FBXL20: variants seen among roughly 807,000 people sequenced by gnomAD.
FBXL20 encodes F-box/LRR-repeat protein 20.
Under a neutral mutation model 64.0 loss-of-function variants are expected in FBXL20, and 11 were observed. That is an observed-to-expected ratio of 0.17 (90% confidence interval 0.11 to 0.28). FBXL20 has a LOEUF of 0.28. Among genes scored for constraint, FBXL20 ranks in the 10% least tolerant of loss-of-function variants. The pLI, the probability that FBXL20 is intolerant of heterozygous loss-of-function variation, is 1.00. For missense variants in FBXL20, 303 were observed against 526.2 expected (o/e 0.58, Z 4.15); for synonymous variants, 184 against 189.0 (o/e 0.97, Z 0.22).
Position 39,261,153 on chromosome 17 carries a change from T to C in FBXL20, c.*307A>G, listed in dbSNP as rs2144329791. On this transcript the variant is annotated 3_prime_UTR_variant, in exon 15 of 15. Coordinates refer to ENST00000264658, the MANE Select transcript of FBXL20 (RefSeq NM_032875.3). ...ACAGTAGCATTAACACGGGGTTTGC[T>C]GGAATGCCCCTCCCTATCTTGGCCT... The C allele has an allele frequency of 3.4e-6, 1 of 293,330 alleles. No homozygotes were observed. 18.2% of individuals were successfully genotyped at this position (293,330 alleles called of 1,614,324 possible).
rs188906510 is a variant in FBXL20, at chr17:39,300,896, T to C, written c.234+105A>G. On this transcript the variant is annotated intron_variant, in intron 4 of 14. Transcript: ENST00000264658. ...TAAAGTTCAGATGCACTGAAAATAA[T>C]AGTTCCTCTCTTTAACGAAAATGAG... 2.1e-4 allele frequency: 220 copies of C among 1,063,946 alleles called. 1 individual carries two copies. Among genetic ancestry groups the C allele is most frequent in the South Asian group, 6.1e-4 (39 of 63,656 alleles). 65.9% of individuals were successfully genotyped at this position (1,063,946 alleles called of 1,614,324 possible).
At chr17:39,368,919 T>C (rs1354248872) in intron 1 of FBXL20, among the ~76,000 whole-genome samples, 1 of 152,122 alleles carries the variant, frequency 6.6e-6, no homozygotes, top group Non-Finnish European at 1.5e-5. Flanking sequence ...CCTCCCAAAG[T>C]GCTCGGATTA....
intron 1 of FBXL20, among the ~76,000 whole-genome samples, chr17:39,347,052 GGTGT>G: frequency 6.6e-6 from 1 of 152,146 alleles, no homozygotes; most frequent in Non-Finnish European, 1.5e-5. Context: ...AGTATTCCAT[GGTGT>G]GTATGTGCCA....
chr17:39,355,718 G>A (rs773784865), intron 1 of FBXL20, among the ~76,000 whole-genome samples: 2 of 151,908 alleles, frequency 1.3e-5, no homozygotes, highest in Admixed American at 6.6e-5. Flanking sequence ...AGCTGCGCGT[G>A]GTGGCAGGTG....
At chr17:39,309,629 C>G (rs886095618) in intron 2 of FBXL20, among the ~76,000 whole-genome samples, 2 of 151,416 alleles carry the variant, frequency 1.3e-5, no homozygotes, top group African/African-American at 4.8e-5. Context: ...ATGGCGAAAC[C>G]CCGTCTCTAC....
At position 39,256,231 on chromosome 17, in the gene FBXL20, G is replaced by A. The variant is rs1219340629; in HGVS notation, c.*5229C>T. On this transcript the variant is annotated 3_prime_UTR_variant, in exon 15 of 15. Transcript: ENST00000264658. Reference sequence around the variant, plus strand: ...GGCCTCTTGGGAGGCTGAAACAGAAGAATCACTTGAACCCAGGAGGCAGAG... The same window carrying A: ...GGCCTCTTGGGAGGCTGAAACAGAAAAATCACTTGAACCCAGGAGGCAGAG... 6 of 146,234 alleles carry A rather than the reference G, an allele frequency of 4.1e-5. No homozygotes were observed. The East Asian group carries it at 1.2e-3, about 30-fold the overall frequency. The allele number at this position is 146,234 out of a possible 1,614,324, so 9.1% of individuals were successfully genotyped here.
At position 39,285,609 on chromosome 17, in the gene FBXL20, C is replaced by T. The variant is rs1475272991; in HGVS notation, c.399-36G>A. On this transcript the variant is annotated intron_variant, in intron 6 of 14. Coordinates refer to ENST00000264658, the MANE Select transcript of FBXL20 (RefSeq NM_032875.3). ...GAAAAAGGAGAAAATAATGAATAAA[C>T]AAGACAAGTACACATCCTTGGTATA... 5 of 1,374,700 alleles carry T rather than the reference C, an allele frequency of 3.6e-6. No individual in the cohort carries two copies. In the South Asian group the frequency reaches 6.4e-5, roughly 18 times the overall value. The allele number at this position is 1,374,700 out of a possible 1,614,324, so 85.2% of individuals were successfully genotyped here.
rs564308363 is a variant in FBXL20 at position 39,256,123 on chromosome 17, C to T, written c.*5337G>A. On this transcript the variant is annotated 3_prime_UTR_variant, in exon 15 of 15. Coordinates refer to ENST00000264658, the MANE Select transcript of FBXL20 (RefSeq NM_032875.3). ...ACCACTTGAGGTCAGAAGTTCGAGA[C>T]TAGCCTGGCCAACATGGCAAAACCC... 1 of 152,120 alleles carries T rather than the reference C, an allele frequency of 6.6e-6. No homozygotes were observed. Among genetic ancestry groups the T allele is most frequent in the Non-Finnish European group, 1.5e-5 (1 of 68,052 alleles). The allele number at this position is 152,120 out of a possible 1,614,324, so 9.4% of individuals were successfully genotyped here. A position where few individuals can be genotyped will look rare whatever the true frequency, so the allele number is the denominator to read the frequency against.
chr17:39,315,795 G>A (rs1290551804), intron 2 of FBXL20, among the ~76,000 whole-genome samples: 1 of 149,544 alleles, frequency 6.7e-6, no homozygotes, highest in Non-Finnish European at 1.5e-5. Flanking sequence ...ATGAAGTGAA[G>A]AGGGGATCTT....
chr17:39,401,359 A>G lies in FBXL20; in HGVS notation c.42+2T>C. On this transcript the variant is annotated splice_donor_variant, in intron 1 of 14. Transcript: ENST00000264658. LOFTEE classifies it high-confidence loss of function. ...CGCCGCCCGAGCCCCCCAAGCTCAC[A>G]CCTCAAACCTGCTCTTGGTCACTCC... The G allele has an allele frequency of 6.2e-7, 1 of 1,612,942 alleles. No individual in the cohort carries two copies. The highest frequency in any genetic ancestry group is 8.5e-7 in the Non-Finnish European group (1 of 1,179,526).
intron 1 of FBXL20, among the ~76,000 whole-genome samples, chr17:39,347,943 T>C (rs773808663): frequency 3.3e-5 from 5 of 152,146 alleles, no homozygotes; most frequent in Non-Finnish European, 7.4e-5. Flanking sequence ...ATCTATTAAA[T>C]AGGGAATCCT....
chr17:39,358,262 T>C (rs1276930128), intron 1 of FBXL20, among the ~76,000 whole-genome samples: 1 of 152,196 alleles, frequency 6.6e-6, no homozygotes, highest in Non-Finnish European at 1.5e-5. Flanking sequence ...TGGCCCACAC[T>C]GGTGAGGGCG....
chr17:39,291,878 T>C (rs1597779733), intron 6 of FBXL20, among the ~76,000 whole-genome samples: 1 of 152,376 alleles, frequency 6.6e-6, no homozygotes, highest in East Asian at 1.9e-4. Flanking sequence ...TAAGCAATTC[T>C]TTGAACTATG....
chr17:39,267,995 T>C (rs928183931), intron 12 of FBXL20, among the ~76,000 whole-genome samples: 10 of 152,208 alleles, frequency 6.6e-5, no homozygotes, highest in African/African-American at 2.4e-4. Context: ...ATTAAAAAAT[T>C]AATTGCTCTT....
At chr17:39,332,181 G>C (rs1252214884) in intron 2 of FBXL20, among the ~76,000 whole-genome samples, 3 of 152,094 alleles carry the variant, frequency 2.0e-5, no homozygotes, top group Non-Finnish European at 2.9e-5. Context: ...AACCGAAGGA[G>C]AGGCTACAAG....
intron 7 of FBXL20, among the ~76,000 whole-genome samples, chr17:39,284,410 TC>T (rs758787090): frequency 7.2e-5 from 11 of 152,246 alleles, no homozygotes; most frequent in Non-Finnish European, 1.2e-4. Flanking sequence ...AGATGAGGTC[TC>T]GTTCTGTTGC....
In FBXL20 at chr17:39,343,245, C is replaced by CA. The variant is rs1473090312; in HGVS notation, c.43-5dup. On this transcript the variant is annotated splice_polypyrimidine_tract_variant and splice_region_variant and intron_variant, in intron 1 of 14. Coordinates refer to ENST00000264658, the MANE Select transcript of FBXL20 (RefSeq NM_032875.3). Reference sequence around the variant, plus strand: ...CTTCATCACTATTTGAGAACATCTGCAAAAACAAAATCATAGTGTCAAGTG... The same window carrying CA: ...CTTCATCACTATTTGAGAACATCTGCAAAAAACAAAATCATAGTGTCAAGTG... The CA allele has an allele frequency of 1.3e-6, 2 of 1,588,760 alleles. No homozygotes were observed. The highest frequency in any genetic ancestry group is 2.7e-5 in the African/African-American group (2 of 73,732).
intron 1 of FBXL20, among the ~76,000 whole-genome samples, chr17:39,385,935 C>T (rs907713540): frequency 1.4e-5 from 2 of 146,924 alleles, no homozygotes; most frequent in Non-Finnish European, 3.0e-5. Context: ...GAGGCTGAGG[C>T]AGGAGAATCA....
intron 1 of FBXL20, among the ~76,000 whole-genome samples, chr17:39,374,033 C>A (rs763770009): frequency 3.4e-4 from 51 of 151,846 alleles, no homozygotes; most frequent in Non-Finnish European, 6.5e-4. Flanking sequence ...ACAAGCCTGG[C>A]CAACATGGCT....
Sources: allele counts gnomAD v4.1 joint callset (sites outside exome capture counted in the v4.1 genomes callset), GRCh38; gene constraint gnomAD v4.1.1; transcripts MANE v1.5; gene names NCBI Gene and HGNC (gene_info 2026-07-23, HGNC 2026-07-21).